Variants in ATP2B1 observed in about 807,000 individuals in gnomAD.
The protein encoded by ATP2B1 is plasma membrane calcium-transporting ATPase 1.
ATP2B1 carries 14 observed loss-of-function variants against 124.2 expected under a neutral mutation model. That is an observed-to-expected ratio of 0.11 (90% CI 0.07 to 0.18). The LOEUF (loss-of-function observed/expected upper bound fraction) is 0.18. ATP2B1 is among the 10% of genes least tolerant of loss of function. The pLI, the probability that ATP2B1 is intolerant of heterozygous loss-of-function variation, is 1.00. For missense variants in ATP2B1, 763 were observed against 1,466.1 expected (o/e 0.52, Z 7.83); for synonymous variants, 449 against 492.4 (o/e 0.91, Z 1.17).
rs769293176 is a variant in ATP2B1 at position 89,627,726 on chromosome 12, C to T, written c.929-10G>A. 1 of 1,613,450 alleles carries T rather than the reference C, an allele frequency of 6.2e-7. No individual in the cohort carries two copies. The highest frequency in any genetic ancestry group is 1.1e-5 in the South Asian group (1 of 90,996). ...CCATCTTGTTTCTTATCTGTAGGAACAAAATGGGAATTAAAGCTTTCCAAA... is the reference window on the plus strand; with the variant it reads ...CCATCTTGTTTCTTATCTGTAGGAATAAAATGGGAATTAAAGCTTTCCAAA... On this transcript the variant is annotated splice_polypyrimidine_tract_variant and intron_variant, in intron 6 of 20. Coordinates refer to ENST00000428670, the MANE Select transcript of ATP2B1 (RefSeq NM_001366521.1).
chr12:89,665,522 A>C (rs899650081), intron 1 of ATP2B1, among the ~76,000 whole-genome samples: 2 of 152,204 alleles, frequency 1.3e-5, no homozygotes, highest in Admixed American at 1.3e-4. Flanking sequence ...CTAGTAAAAT[A>C]AGCTTTTGAA....
intron 20 of ATP2B1, among the ~76,000 whole-genome samples, chr12:89,597,996 A>T (rs576506880): frequency 7.9e-6 from 1 of 127,278 alleles, no homozygotes; most frequent in South Asian, 2.7e-4. Context: ...GAAACTTTTT[A>T]AATTTACACA....
intron 2 of ATP2B1, among the ~76,000 whole-genome samples, chr12:89,647,425 G>C (rs57859539): frequency 2.0e-5 from 3 of 152,216 alleles, no homozygotes; most frequent in African/African-American, 7.2e-5. Context: ...GAAATAAAAT[G>C]TCACTTATAT....
chr12:89,708,254 T>C (rs1231402568), intron 1 of ATP2B1, among the ~76,000 whole-genome samples: 6 of 152,046 alleles, frequency 3.9e-5, no homozygotes, highest in Non-Finnish European at 8.8e-5. Flanking sequence ...GGATGGGCTG[T>C]GGCGCGGCCG....
At chr12:89,655,447 G>C (rs892217464) in intron 2 of ATP2B1, 1 of 514,156 alleles carries the variant, frequency 1.9e-6, no homozygotes, top group East Asian at 3.6e-5. Context: ...ATATATAATG[G>C]AACAAAATAT....
Position 89,599,273 on chromosome 12 carries a change from A to C in ATP2B1, c.3195T>G (p.Arg1065=). 7 of 1,614,104 alleles carry C rather than the reference A, an allele frequency of 4.3e-6. No homozygotes were observed. The highest frequency in any genetic ancestry group is 5.1e-6 in the Non-Finnish European group (6 of 1,179,986). ...GQLISTIPTS[R]LKFLKEAGHG... ...GACCAGCTTCTTTGAGGAATTTTAAACGGCTAGTTGGAATTGTTGAAATAA... is the reference window on the plus strand; with the variant it reads ...GACCAGCTTCTTTGAGGAATTTTAACCGGCTAGTTGGAATTGTTGAAATAA... The change falls in exon 20 of 21, where the codon CGT becomes CGG. Residue 1065 remains arginine (R), a synonymous_variant. Transcript: ENST00000428670.
At chr12:89,646,626 C>T (rs987283043) in intron 2 of ATP2B1, among the ~76,000 whole-genome samples, 1 of 152,176 alleles carries the variant, frequency 6.6e-6, no homozygotes, top group Non-Finnish European at 1.5e-5. Flanking sequence ...GAGAATGGAA[C>T]ACTTTCTTTC....
At position 89,603,862 on chromosome 12, in the gene ATP2B1, G is replaced by A. The variant is rs1437742318; in HGVS notation, c.2698C>T (p.Leu900=). 1.7e-5 allele frequency: 27 copies of A among 1,613,940 alleles called. No homozygotes were observed. Among genetic ancestry groups the A allele is most frequent in the Non-Finnish European group, 2.1e-5 (25 of 1,179,990 alleles). ...VNLIMDTLAS[L]ALATEPPTES... ...GTGGGTGGTTCCGTTGCCAGAGCCA[G>A]GGAAGCGAGTGTATCCATTATGAGG... Residue 900 remains leucine (L), a synonymous_variant, in exon 17 of 21, where the codon CTG becomes TTG. Transcript: ENST00000428670. The surrounding 1 kb of genome is among the most constrained non-coding windows in gnomAD (Gnocchi z 4.3).
At chr12:89,701,284 ATCTCTCT>A (rs2136863861) in intron 1 of ATP2B1, among the ~76,000 whole-genome samples, 1 of 152,108 alleles carries the variant, frequency 6.6e-6, no homozygotes, top group South Asian at 2.1e-4. Flanking sequence ...CTTTCCCATC[ATCTCTCT>A]TTGATTTTCT....
At chr12:89,701,861 T>C (rs1236069960) in intron 1 of ATP2B1, among the ~76,000 whole-genome samples, 5 of 151,810 alleles carry the variant, frequency 3.3e-5, no homozygotes, top group East Asian at 1.9e-4. Context: ...AAGGGTCCTA[T>C]CAGGTGAGAG....
At chr12:89,626,365 A>T in intron 8 of ATP2B1, 89 bp downstream of exon 8, 1 of 1,386,542 alleles carries the variant, frequency 7.2e-7, no homozygotes, top group Non-Finnish European at 9.7e-7. Context: ...CAAAGCAACA[A>T]TTTCCAGCCT....
intron 20 of ATP2B1, among the ~76,000 whole-genome samples, chr12:89,596,953 G>A (rs1874737678): frequency 6.6e-6 from 1 of 152,032 alleles, no homozygotes; most frequent in Admixed American, 6.6e-5. Context: ...TTCTATCAAG[G>A]GTCATCTTGG....
intron 2 of ATP2B1, 158 bp downstream of exon 2, chr12:89,655,521 C>T (rs1454390927): frequency 1.5e-6 from 1 of 667,660 alleles, no homozygotes; most frequent in Non-Finnish European, 2.5e-6. Context: ...TATAAAAATA[C>T]TTTAACTGTA....
rs188724424 is a variant in ATP2B1, at chr12:89,658,045, C to T, written c.-221-1938G>A. 3.8e-3 allele frequency among the ~76,000 whole-genome samples: 575 copies of T among 152,268 alleles called. 1 individual carries two copies. The highest frequency in any genetic ancestry group is 5.0e-3 in the Non-Finnish European group (343 of 68,002). ...CACATCAATTATAATAATAATCCAA[C>T]TTGAAAAACTGGAGAGGGTGGTTAT... On this transcript the variant is annotated intron_variant, in intron 1 of 20. Transcript: ENST00000428670.
At chr12:89,684,529 T>C in intron 1 of ATP2B1, among the ~76,000 whole-genome samples, 1 of 152,186 alleles carries the variant, frequency 6.6e-6, no homozygotes, top group East Asian at 1.9e-4. Context: ...TACACATGCC[T>C]ATCCACTTCT....
At chr12:89,643,858 G>A (rs1884027675) in intron 2 of ATP2B1, among the ~76,000 whole-genome samples, 1 of 152,174 alleles carries the variant, frequency 6.6e-6, no homozygotes, top group South Asian at 2.1e-4. Context: ...GGGAGGCCAA[G>A]GCAGGCAGAT....
Position 89,681,526 on chromosome 12 carries a change from G to A in ATP2B1, c.-221-25419C>T, listed in dbSNP as rs888438871. 4.6e-5 allele frequency among the ~76,000 whole-genome samples: 7 copies of A among 152,058 alleles called. No individual in the cohort carries two copies. The South Asian group carries it at 1.0e-3, about 23-fold the overall frequency. On this transcript the variant is annotated intron_variant, in intron 1 of 20. Transcript: ENST00000428670. Reference sequence around the variant, plus strand: ...CTCCTGAGTGGCTGGGATTACAGACGTGTACCACCACGCCCAGCTAATGCA... The same window carrying A: ...CTCCTGAGTGGCTGGGATTACAGACATGTACCACCACGCCCAGCTAATGCA...
chr12:89,610,149 TAAAC>T (rs994617346), intron 14 of ATP2B1, 106 bp from the exon 15 acceptor site: 38 of 1,025,796 alleles, frequency 3.7e-5, no homozygotes, highest in Admixed American at 1.9e-4. Context: ...TAAAAATAAA[TAAAC>T]AAATATAAAA....
At chr12:89,605,106 C>G (rs115866211) in intron 15 of ATP2B1, among the ~76,000 whole-genome samples, 1 of 152,078 alleles carries the variant, frequency 6.6e-6, no homozygotes, top group African/African-American at 2.4e-5. Context: ...ATGAACTCAA[C>G]ACATAATGTA....
Sources: allele counts gnomAD v4.1 joint callset (sites outside exome capture counted in the v4.1 genomes callset), GRCh38; gene constraint gnomAD v4.1.1; non-coding constraint Gnocchi (gnomAD v3.1); transcripts MANE v1.5; gene names NCBI Gene and HGNC (gene_info 2026-07-23, HGNC 2026-07-21).